The following SLC9A6 variants were observed in gnomAD, a reference collection of about 807,000 sequenced individuals.
SLC9A6 encodes the protein sodium/hydrogen exchanger 6.
A neutral mutation model predicts 45.3 loss-of-function variants in SLC9A6; 6 were observed. That is an observed-to-expected ratio of 0.13 (90% CI 0.07 to 0.26). SLC9A6 has a LOEUF of 0.26. Ranked by LOEUF, SLC9A6 falls within the 10% of genes least tolerant of loss-of-function variation. The pLI is 1.00. For synonymous variants in SLC9A6, 191 were observed against 187.7 expected (o/e 1.02, Z -0.14); for missense variants, 278 against 503.7 (o/e 0.55, Z 4.29).
intron 8 of SLC9A6, among the ~76,000 whole-genome samples, chrX:136,012,541 G>A (rs1459930257): frequency 2.7e-5 from 3 of 112,833 alleles, no homozygotes; most frequent in Non-Finnish European, 3.8e-5. Flanking sequence ...GATCAAATTC[G>A]TGTAAAATCT....
intron 16 of SLC9A6, among the ~76,000 whole-genome samples, chrX:136,035,110 A>G (rs1485194943): frequency 8.9e-6 from 1 of 112,030 alleles, no homozygotes; most frequent in African/African-American, 3.2e-5. Flanking sequence ...ATTAAGTCCT[A>G]CTCAATGAAG....
chrX:136,009,071 G>A (rs1455028453), intron 7 of SLC9A6, among the ~76,000 whole-genome samples: 2 of 111,748 alleles, frequency 1.8e-5, no homozygotes. Context: ...AGATTGTATA[G>A]CAATTTTTTT....
upstream of SLC9A6, among the ~76,000 whole-genome samples, chrX:135,981,920 CTT>C (rs1340405712): frequency 8.9e-6 from 1 of 112,394 alleles, no homozygotes; most frequent in Non-Finnish European, 1.9e-5. Flanking sequence ...TCCACAGTCT[CTT>C]TTGCAACTGC....
chrX:136,013,158 T>C (rs1180539499), intron 9 of SLC9A6, 104 bp downstream of exon 9: 28 of 717,935 alleles, frequency 3.9e-5, no homozygotes, highest in Admixed American at 6.8e-5. Context: ...AACATACTTA[T>C]TGTGGTTGGG....
intron 10 of SLC9A6, among the ~76,000 whole-genome samples, chrX:136,016,117 C>T (rs1388231647): frequency 9.0e-6 from 1 of 110,941 alleles, no homozygotes; most frequent in Admixed American, 9.6e-5. Flanking sequence ...AGAGGAAGAC[C>T]CACGCAAAAA....
At chrX:135,977,907 A>G (rs2089270236) in intron 1 of SLC9A6, among the ~76,000 whole-genome samples, 1 of 112,201 alleles carries the variant, frequency 8.9e-6, no homozygotes, top group Non-Finnish European at 1.9e-5. Flanking sequence ...GGTTAAAAGC[A>G]TATGCTCTGG....
intron 11 of SLC9A6, among the ~76,000 whole-genome samples, chrX:136,020,468 C>T (rs1156365329): frequency 8.9e-6 from 1 of 111,812 alleles, no homozygotes; most frequent in Non-Finnish European, 1.9e-5. Flanking sequence ...TTTCCTGTCT[C>T]ATCCTCCTGA....
intron 10 of SLC9A6, among the ~76,000 whole-genome samples, chrX:136,015,632 A>G (rs2071005135): frequency 8.9e-6 from 1 of 112,363 alleles, no homozygotes; most frequent in African/African-American, 3.2e-5. Context: ...AAACTGAAAA[A>G]GGTATAGCTG....
chrX:136,024,004 A>G (rs1201772393), intron 12 of SLC9A6, among the ~76,000 whole-genome samples: 3 of 110,141 alleles, frequency 2.7e-5, no homozygotes, highest in Non-Finnish European at 5.7e-5. Context: ...ATTCTGCCTC[A>G]GCCTCCCAAG....
intron 2 of SLC9A6, among the ~76,000 whole-genome samples, chrX:135,988,485 CTTTCTTTCTTTCT>C (rs1256145249): frequency 9.9e-6 from 1 of 100,504 alleles, no homozygotes; most frequent in Non-Finnish European, 2.0e-5. Context: ...TTCTTTCTTT[CTTTCTTTCTTTCT>C]TTTCTTTCTT....
intron 10 of SLC9A6, among the ~76,000 whole-genome samples, chrX:136,015,419 C>T (rs1556619171): frequency 1.8e-5 from 2 of 111,868 alleles, no homozygotes; most frequent in East Asian, 5.6e-4. Flanking sequence ...AGCTGGGACT[C>T]TGGAGTCACT....
chrX:136,001,336 C>CAAA (rs569372174), intron 6 of SLC9A6, among the ~76,000 whole-genome samples: 4 of 23,538 alleles, frequency 1.7e-4, no homozygotes, highest in Non-Finnish European at 2.5e-4. Flanking sequence ...GACTCCATCT[C>CAAA]AAAAAAAAAA....
rs12010908 is a variant in SLC9A6 at position 136,001,536 on chromosome X, T to A, written c.638-572T>A. ...GGATTTATTGTTTTTCTTCTTAAGCTGGAATATTCTCATAGTTGGCTTCTT... is the reference window on the plus strand; with the variant it reads ...GGATTTATTGTTTTTCTTCTTAAGCAGGAATATTCTCATAGTTGGCTTCTT... On this transcript the variant is annotated intron_variant, in intron 6 of 17. Transcript: ENST00000630721. 3.2e-3 allele frequency among the ~76,000 whole-genome samples: 353 copies of A among 111,453 alleles called. 2 individuals are homozygous for A. The highest frequency in any genetic ancestry group is 0.011 in the African/African-American group (332 of 30,728).
At chrX:135,995,893 G>A (rs2089489049) in intron 3 of SLC9A6, among the ~76,000 whole-genome samples, 1 of 110,000 alleles carries the variant, frequency 9.1e-6, no homozygotes, top group Admixed American at 9.8e-5. Flanking sequence ...GCTTTCTCCT[G>A]TCTCCCTCAT....
chrX:136,041,073 A>T (rs2071500528), intron 17 of SLC9A6, among the ~76,000 whole-genome samples: 2 of 111,228 alleles, frequency 1.8e-5, no homozygotes, highest in African/African-American at 6.5e-5. Context: ...AGCAGAGATC[A>T]TGCCACTGCA....
At chrX:136,013,122 A>G (rs2070954444) in intron 9 of SLC9A6, 68 bp downstream of exon 9, 2 of 819,153 alleles carry the variant, frequency 2.4e-6, no homozygotes, top group Non-Finnish European at 3.7e-6. Flanking sequence ...ATTTTGCTCC[A>G]AGTGGATCAG....
intron 16 of SLC9A6, among the ~76,000 whole-genome samples, chrX:136,035,685 A>G (rs191768545): frequency 8.9e-6 from 1 of 111,818 alleles, no homozygotes; most frequent in Non-Finnish European, 1.9e-5. Flanking sequence ...TCTCTTGGGT[A>G]TATACCAAGG....
chrX:136,037,258 ACACG>A (rs797030686), intron 16 of SLC9A6, among the ~76,000 whole-genome samples: 6 of 112,301 alleles, frequency 5.3e-5, no homozygotes, highest in South Asian at 3.7e-4. Flanking sequence ...ATGTGCACAC[ACACG>A]CACACACACA....
At chrX:135,991,433 T>A (rs1556615706) in intron 2 of SLC9A6, among the ~76,000 whole-genome samples, 1 of 110,995 alleles carries the variant, frequency 9.0e-6, no homozygotes, top group Non-Finnish European at 1.9e-5. Flanking sequence ...AATTTTTGTA[T>A]TTTTAGTAGA....
Sources: allele counts gnomAD v4.1 joint callset (sites outside exome capture counted in the v4.1 genomes callset), GRCh38; gene constraint gnomAD v4.1.1; transcripts MANE v1.5; gene names NCBI Gene and HGNC (gene_info 2026-07-23, HGNC 2026-07-21).